The following ARHGEF28 variants were observed in gnomAD, a reference collection of about 807,000 sequenced individuals.
ARHGEF28 encodes the protein 190 kDa guanine nucleotide exchange factor.
A neutral mutation model predicts 206.6 loss-of-function variants in ARHGEF28; 152 were observed. That is an observed-to-expected ratio of 0.74 (90% CI 0.64 to 0.84). The LOEUF (loss-of-function observed/expected upper bound fraction) is 0.84. Ranked by LOEUF, ARHGEF28 falls within the 40% of genes least tolerant of loss-of-function variation. The probability of loss-of-function intolerance (pLI) is 0.00; values close to 1 mark genes in which losing one functional copy is unlikely to be tolerated. For missense variants in ARHGEF28, 2,028 were observed against 2,073.2 expected, an observed-to-expected ratio of 0.98 and a Z score of 0.42; for synonymous variants, 763 against 776.4, an observed-to-expected ratio of 0.98 and a Z score of 0.29.
chr5:73,704,841 G>A (rs1052188199), intron 2 of ARHGEF28, among the ~76,000 whole-genome samples: 5 of 152,168 alleles, frequency 3.3e-5, no homozygotes, highest in Admixed American at 6.5e-5. Context: ...GTGATTGGCC[G>A]TGATGGCCAC....
At chr5:73,754,319 T>C (rs13361558) in intron 4 of ARHGEF28, among the ~76,000 whole-genome samples, 52,522 of 152,036 alleles carry the variant, frequency 0.35, 10,212 homozygotes, top group African/African-American at 0.53. Context: ...CTCTTCTGGG[T>C]ACTTAAAGAC....
chr5:73,931,982 A>G (rs1764150328), intron 35 of ARHGEF28, among the ~76,000 whole-genome samples: 1 of 152,238 alleles, frequency 6.6e-6, no homozygotes, highest in African/African-American at 2.4e-5. Context: ...GTTTACATTT[A>G]TAGATCACCT....
intron 1 of ARHGEF28, among the ~76,000 whole-genome samples, chr5:73,631,880 T>C (rs988556631): frequency 6.6e-6 from 1 of 152,156 alleles, no homozygotes; most frequent in Non-Finnish European, 1.5e-5. Context: ...GCCTGTAACC[T>C]TCAACTAACT....
chr5:73,799,872 C>T (rs1755034304), intron 9 of ARHGEF28, among the ~76,000 whole-genome samples: 1 of 152,120 alleles, frequency 6.6e-6, no homozygotes, highest in Non-Finnish European at 1.5e-5. Context: ...CTTGGAGAGT[C>T]TCAGTACTTT....
In ARHGEF28 at chr5:73,882,458, TG is replaced by T; in HGVS notation, c.2815-13del. The T allele has an allele frequency of 1.4e-6, 2 of 1,403,148 alleles. No homozygotes were observed. The highest frequency in any genetic ancestry group is 5.1e-5 in the East Asian group (2 of 39,068). The allele number at this position is 1,403,148 out of a possible 1,614,324, so 86.9% of individuals were successfully genotyped here. On this transcript the variant is annotated splice_polypyrimidine_tract_variant and intron_variant, in intron 22 of 35. Coordinates refer to ENST00000513042, the MANE Select transcript of ARHGEF28 (RefSeq NM_001177693.2). ...CTAAATTTACAAACCATTATTTAAA[TG>T]TTATTCTTCCAGTTTTCAGAAGAAA...
chr5:73,705,443 C>G (rs1456349897), intron 2 of ARHGEF28, among the ~76,000 whole-genome samples: 6 of 152,148 alleles, frequency 3.9e-5, no homozygotes, highest in Admixed American at 3.9e-4. Flanking sequence ...GGCTGTTTTT[C>G]TTTTTAAACT....
chr5:73,664,997 C>A (rs1218016833), intron 1 of ARHGEF28, among the ~76,000 whole-genome samples: 1 of 152,140 alleles, frequency 6.6e-6, no homozygotes, highest in African/African-American at 2.4e-5. Context: ...TCTAGTTCAG[C>A]ACCAAGGCCT....
chr5:73,878,238 G>T (rs1045576167), intron 22 of ARHGEF28, among the ~76,000 whole-genome samples: 1 of 148,752 alleles, frequency 6.7e-6, no homozygotes, highest in Non-Finnish European at 1.5e-5. Context: ...CCGAGATTAG[G>T]ATTGCAACCC....
At chr5:73,895,257 G>A (rs1431901520) in intron 29 of ARHGEF28, among the ~76,000 whole-genome samples, 3 of 152,172 alleles carry the variant, frequency 2.0e-5, no homozygotes, top group Admixed American at 2.0e-4. Flanking sequence ...GGTGGCCGAG[G>A]TTGGGTGAAG....
chr5:73,906,880 A>T (rs910792749), intron 33 of ARHGEF28, among the ~76,000 whole-genome samples: 3 of 152,190 alleles, frequency 2.0e-5, no homozygotes, highest in African/African-American at 7.2e-5. Flanking sequence ...AACTCATTGA[A>T]CTTTATTTTT....
At chr5:73,879,908 G>A (rs1455480650) in intron 22 of ARHGEF28, among the ~76,000 whole-genome samples, 1 of 152,162 alleles carries the variant, frequency 6.6e-6, no homozygotes, top group Non-Finnish European at 1.5e-5. Context: ...CAGTCTGCCC[G>A]TTCTCAGATC....
intron 20 of ARHGEF28, 56 bp from the exon 21 acceptor site, chr5:73,870,013 G>A (rs138994799): frequency 6.3e-7 from 1 of 1,575,574 alleles, no homozygotes; most frequent in East Asian, 2.2e-5. Flanking sequence ...ATATACGAAG[G>A]TATATTTGTG....
At chr5:73,770,607 G>A (rs1000254315) in intron 4 of ARHGEF28, among the ~76,000 whole-genome samples, 6 of 152,142 alleles carry the variant, frequency 3.9e-5, no homozygotes, top group African/African-American at 1.4e-4. Context: ...TTGTTTTGCT[G>A]GCTGCCGTTA....
intron 14 of ARHGEF28, 129 bp downstream of exon 14, chr5:73,852,821 T>C (rs1232953299): frequency 2.1e-6 from 2 of 962,342 alleles, no homozygotes; most frequent in African/African-American, 3.2e-5. Context: ...CCTAAGACCC[T>C]TTGCTCCCTC....
chr5:73,675,542 C>A (rs1399498946), intron 1 of ARHGEF28, among the ~76,000 whole-genome samples: 1 of 151,998 alleles, frequency 6.6e-6, no homozygotes, highest in East Asian at 1.9e-4. Flanking sequence ...ACCAACCTGG[C>A]GAACACTGTG....
At chr5:73,925,287 G>T (rs563631345) in intron 35 of ARHGEF28, among the ~76,000 whole-genome samples, 3 of 152,204 alleles carry the variant, frequency 2.0e-5, no homozygotes, top group East Asian at 3.9e-4. Context: ...CTGTGTTCCA[G>T]CCATAGGAAT....
At position 73,733,883 on chromosome 5, in the gene ARHGEF28, C is replaced by T. The variant is rs146916232; in HGVS notation, c.34-15954C>T. Among the ~76,000 whole-genome samples, 824 of 152,200 alleles carry T rather than the reference C, an allele frequency of 5.4e-3. 2 individuals carry two copies. Among genetic ancestry groups the T allele is most frequent in the African/African-American group, 0.019 (773 of 41,532 alleles). On this transcript the variant is annotated intron_variant, in intron 2 of 35. Coordinates refer to ENST00000513042, the MANE Select transcript of ARHGEF28 (RefSeq NM_001177693.2). ...GCATTTGCTTGGTTTCTGGGGAGGC[C>T]TCAGAAAACTTACAGTCATGGCAGA...
At position 73,840,674 on chromosome 5, in the gene ARHGEF28, A is replaced by G; in HGVS notation, c.1341A>G (p.Ser447=). ...CTGAAGCCCAGCAGTCCTTCATGTC[A>G]CCATCAAGTTCGTGTGCTTCCAACT... The part of the protein sequence containing the change: ...AHTEAQQSFM[S]PSSSCASNLN... Residue 447 remains serine (S), a synonymous_variant, in exon 11 of 36, where the codon TCA becomes TCG. Coordinates refer to ENST00000513042, the MANE Select transcript of ARHGEF28 (RefSeq NM_001177693.2). 3 of 1,613,518 alleles carry G rather than the reference A, an allele frequency of 1.9e-6. No homozygotes were observed. The highest frequency in any genetic ancestry group is 1.7e-6 in the Non-Finnish European group (2 of 1,179,638).
At chr5:73,870,837 T>C (rs576114100) in intron 21 of ARHGEF28, among the ~76,000 whole-genome samples, 1 of 152,292 alleles carries the variant, frequency 6.6e-6, no homozygotes, top group Admixed American at 6.5e-5. Context: ...CTTCAAAAAA[T>C]TTCAACTACA....
Sources: gnomAD v4.1 joint callset for allele counts (sites outside exome capture counted in the v4.1 genomes callset) on GRCh38, gnomAD v4.1.1 for gene constraint, MANE v1.5 for transcripts, NCBI Gene and HGNC (gene_info 2026-07-23, HGNC 2026-07-21) for gene names.